Variants in SLIT3 observed in about 807,000 individuals in gnomAD.
The protein encoded by SLIT3 is slit guidance ligand 3.
SLIT3 carries 68 observed loss-of-function variants against 184.0 expected under a neutral mutation model. That is an observed-to-expected ratio of 0.37 (90% CI 0.30 to 0.45). The LOEUF (loss-of-function observed/expected upper bound fraction) is 0.45, where lower values mean the gene tolerates loss of function less well. Among genes scored for constraint, SLIT3 ranks in the 20% least tolerant of loss-of-function variants. The pLI is 1.00. For missense variants in SLIT3, 1,707 were observed against 2,026.0 expected (o/e 0.84, Z 3.02); for synonymous variants, 831 against 828.6 (o/e 1.00, Z -0.05).
At chr5:169,166,499 A>G (rs1369274037) in intron 4 of SLIT3, among the ~76,000 whole-genome samples, 1 of 152,142 alleles carries the variant, frequency 6.6e-6, no homozygotes, top group Non-Finnish European at 1.5e-5. Flanking sequence ...AGACCTCATT[A>G]TAATGCAGCT....
At chr5:168,970,426 C>T (rs149560812) in intron 4 of SLIT3, among the ~76,000 whole-genome samples, 74 of 149,446 alleles carry the variant, frequency 5.0e-4, no homozygotes, top group African/African-American at 1.6e-3. Context: ...ACCCCGCAGG[C>T]GGAGGTTGCA....
At chr5:168,905,602 A>G (rs973320111) in intron 4 of SLIT3, among the ~76,000 whole-genome samples, 1 of 152,230 alleles carries the variant, frequency 6.6e-6, no homozygotes, top group Non-Finnish European at 1.5e-5. Context: ...TCAAAACATC[A>G]GAAGCAGGTA....
intron 4 of SLIT3, among the ~76,000 whole-genome samples, chr5:169,104,496 G>C (rs973109671): frequency 6.6e-6 from 1 of 152,182 alleles, no homozygotes. Flanking sequence ...ATTTCACACA[G>C]GGGTCCTATT....
chr5:169,146,499 T>C (rs552609493), intron 4 of SLIT3, among the ~76,000 whole-genome samples: 2 of 152,234 alleles, frequency 1.3e-5, no homozygotes, highest in East Asian at 3.9e-4. Context: ...TGGCTTGAAG[T>C]TCAAGGCCCT....
intron 4 of SLIT3, among the ~76,000 whole-genome samples, chr5:169,135,943 C>T (rs1761486005): frequency 6.6e-6 from 1 of 152,226 alleles, no homozygotes; most frequent in Non-Finnish European, 1.5e-5. Flanking sequence ...CCTGTCTCTA[C>T]CACCCCTCAC....
intron 7 of SLIT3, among the ~76,000 whole-genome samples, chr5:168,821,570 G>A (rs1757533341): frequency 6.6e-6 from 1 of 152,230 alleles, no homozygotes; most frequent in Non-Finnish European, 1.5e-5. Context: ...CCTATTTTAA[G>A]AGGGAGGGAA....
At chr5:169,255,842 C>A (rs973057738) in intron 1 of SLIT3, among the ~76,000 whole-genome samples, 11 of 152,130 alleles carry the variant, frequency 7.2e-5, no homozygotes, top group African/African-American at 2.4e-4. Flanking sequence ...GAGATCGCGC[C>A]ACTGCACTCC....
chr5:169,020,514 C>G (rs1756559423), intron 4 of SLIT3, among the ~76,000 whole-genome samples: 1 of 152,158 alleles, frequency 6.6e-6, no homozygotes, highest in African/African-American at 2.4e-5. Context: ...AGGAAGCCAC[C>G]TACTCATTAA....
intron 4 of SLIT3, among the ~76,000 whole-genome samples, chr5:168,936,240 T>C (rs951570596): frequency 6.6e-6 from 1 of 151,966 alleles, no homozygotes. Context: ...TGGGCCACGG[T>C]TTTTCTTCTT....
At chr5:168,813,817 G>A (rs1581108809) in intron 8 of SLIT3, among the ~76,000 whole-genome samples, 1 of 152,194 alleles carries the variant, frequency 6.6e-6, no homozygotes, top group South Asian at 2.1e-4. Flanking sequence ...CAGGCTGAGC[G>A]AGATAAAGCT....
chr5:169,141,279 G>T (rs187089944), intron 4 of SLIT3, among the ~76,000 whole-genome samples: 30 of 152,204 alleles, frequency 2.0e-4, no homozygotes, highest in African/African-American at 7.2e-4. Flanking sequence ...AAAAACAAAA[G>T]GAAACTTAAA....
chr5:168,669,663 G>A (rs1317614323), intron 35 of SLIT3, 120 bp downstream of exon 35: 3 of 760,014 alleles, frequency 3.9e-6, no homozygotes, highest in East Asian at 2.7e-5. Context: ...CTCAGAAAGT[G>A]ACTGAACCAA....
At chr5:169,150,832 T>C in intron 4 of SLIT3, among the ~76,000 whole-genome samples, 1 of 152,152 alleles carries the variant, frequency 6.6e-6, no homozygotes, top group Admixed American at 6.5e-5. Context: ...CCCTGTAAAT[T>C]ACCTGCCATT....
chr5:169,157,820 C>CA (rs762365736), intron 4 of SLIT3, among the ~76,000 whole-genome samples: 3 of 151,304 alleles, frequency 2.0e-5, no homozygotes, highest in East Asian at 3.9e-4. Context: ...AATGTCTCAG[C>CA]AAAAAACAAA....
chr5:169,147,297 C>A (rs1013039718), intron 4 of SLIT3, among the ~76,000 whole-genome samples: 1 of 152,186 alleles, frequency 6.6e-6, no homozygotes, highest in Non-Finnish European at 1.5e-5. Flanking sequence ...GAGATGGAGT[C>A]TCACTCTCTT....
chr5:168,894,960 T>C (rs1009035617), intron 4 of SLIT3, among the ~76,000 whole-genome samples: 2 of 152,130 alleles, frequency 1.3e-5, no homozygotes, highest in Admixed American at 6.5e-5. Flanking sequence ...TTTGGGATAA[T>C]CTACACTGTG....
chr5:169,039,353 G>T (rs1407151644), intron 4 of SLIT3, among the ~76,000 whole-genome samples: 2 of 130,644 alleles, frequency 1.5e-5, no homozygotes, highest in Non-Finnish European at 3.2e-5. Context: ...GTCTTGTTCT[G>T]TCGCCCAGGC....
intron 4 of SLIT3, among the ~76,000 whole-genome samples, chr5:169,020,095 G>A (rs986885349): frequency 1.3e-4 from 20 of 152,136 alleles, no homozygotes; most frequent in East Asian, 1.2e-3. Context: ...TACTTTCATA[G>A]TATCATGGCA....
At chr5:168,822,582 G>A (rs1363386284) in intron 7 of SLIT3, among the ~76,000 whole-genome samples, 1 of 152,062 alleles carries the variant, frequency 6.6e-6, no homozygotes, top group Non-Finnish European at 1.5e-5. Flanking sequence ...GGGAGCAGAG[G>A]GGAACTCCCC....
Sources: gnomAD v4.1 joint callset for allele counts (sites outside exome capture counted in the v4.1 genomes callset) on GRCh38, gnomAD v4.1.1 for gene constraint, MANE v1.5 for transcripts, NCBI Gene and HGNC (gene_info 2026-07-23, HGNC 2026-07-21) for gene names.